TASOR: variants seen among roughly 807,000 people sequenced by gnomAD.
The protein encoded by TASOR is transcription activation suppressor.
A neutral mutation model predicts 178.6 loss-of-function variants in TASOR; 53 were observed. That is an observed-to-expected ratio of 0.30 (90% CI 0.24 to 0.37). The LOEUF is 0.37. Ranked by LOEUF, TASOR falls within the 10% of genes least tolerant of loss-of-function variation. The pLI is 1.00. For missense variants in TASOR, 1,815 were observed against 1,971.4 expected (o/e 0.92, Z 1.50); for synonymous variants, 713 against 696.2 (o/e 1.02, Z -0.38).
chr3:56,669,616 A>G, intron 5 of TASOR, 84 bp downstream of exon 5: 3 of 813,778 alleles, frequency 3.7e-6, no homozygotes, highest in South Asian at 1.9e-5. Flanking sequence ...CTTTTAAACA[A>G]TCTCCTAAAA....
rs765055660 is a variant in TASOR at position 56,646,654 on chromosome 3, C to T, written c.2083G>A (p.Val695Met). The T allele has an allele frequency of 6.2e-7, 1 of 1,613,732 alleles. No homozygotes were observed. The highest frequency in any genetic ancestry group is 8.5e-7 in the Non-Finnish European group (1 of 1,179,998). The change falls in exon 14 of 24, where the codon GTG becomes ATG. Residue 695 changes from valine to methionine, a missense_variant. Val to Met is a conservative substitution (Grantham distance 21, BLOSUM62 1). Coordinates refer to ENST00000683822, the MANE Select transcript of TASOR (RefSeq NM_001365635.2). ...INLIQCRKKS[V>M]GGDSDTEDMR... ...TCTTCTGTGTCTGAGTCCCCACCCA[C>T]ACTCTTTTTCCTACACTGAATTAAA... is the stretch of plus-strand genomic sequence containing the variant.
Position 56,647,121 on chromosome 3 carries a change from C to T in TASOR, c.1616G>A (p.Arg539Gln). ...QFLQFSLIQC[R>Q]KEFKNISAIN... is the part of the protein sequence containing the mutation. The stretch of plus-strand genomic sequence containing the variant: ...GGCGCTTATATTTTTGAATTCCTTT[C>T]GACACTGAATCAAAGAAAATTGTAA... The change falls in exon 14 of 24, where the codon CGA becomes CAA. Residue 539 changes from arginine to glutamine, a missense_variant. Around this residue, in one of 5 missense-constraint regions of TASOR, gnomAD observed 504 missense variants for 645.3 expected, o/e 0.78. Transcript: ENST00000683822. 4 of 1,607,316 alleles carry T rather than the reference C, an allele frequency of 2.5e-6. No individual in the cohort carries two copies. Among genetic ancestry groups the T allele is most frequent in the Non-Finnish European group, 3.4e-6 (4 of 1,178,506 alleles).
Position 56,622,470 on chromosome 3 carries a change from G to C in TASOR, c.*567C>G, listed in dbSNP as rs1199521695. Reference sequence around the variant, plus strand: ...ATCCAATACTCTCAAAAAGTTACCAGAATTTTAGCAATAGGCAGTTTTTAC... The same window carrying C: ...ATCCAATACTCTCAAAAAGTTACCACAATTTTAGCAATAGGCAGTTTTTAC... On this transcript the variant is annotated 3_prime_UTR_variant, in exon 24 of 24. Coordinates refer to ENST00000683822, the MANE Select transcript of TASOR (RefSeq NM_001365635.2). The C allele has an allele frequency of 1.3e-5, 2 of 152,520 alleles. No homozygotes were observed. The highest frequency in any genetic ancestry group is 4.8e-5 in the African/African-American group (2 of 41,416). 9.4% of individuals were successfully genotyped at this position (152,520 alleles called of 1,614,324 possible). A position where few individuals can be genotyped will look rare whatever the true frequency, so the allele number is the denominator to read the frequency against.
At chr3:56,650,375 C>T (rs2077326049) in intron 11 of TASOR, among the ~76,000 whole-genome samples, 1 of 152,166 alleles carries the variant, frequency 6.6e-6, no homozygotes, top group African/African-American at 2.4e-5. Flanking sequence ...TGACCACTTT[C>T]TCCAGGGTCA....
At chr3:56,640,938 T>C (rs952253444) in intron 15 of TASOR, among the ~76,000 whole-genome samples, 2 of 152,234 alleles carry the variant, frequency 1.3e-5, no homozygotes, top group Admixed American at 6.5e-5. Context: ...TACCTAACTG[T>C]CACACTGCTG....
chr3:56,668,304 TG>T, intron 6 of TASOR, 92 bp downstream of exon 6: 1 of 1,200,962 alleles, frequency 8.3e-7, no homozygotes, highest in African/African-American at 1.5e-5. Flanking sequence ...TAGACTAATG[TG>T]GGGACAGAGA....
Position 56,628,487 on chromosome 3 carries a change from T to G in TASOR, c.3870+5A>C, listed in dbSNP as rs1300636944. On this transcript the variant is annotated splice_donor_5th_base_variant and intron_variant, in intron 19 of 23. Transcript: ENST00000683822. ...CAAAGTAGTGAATTTGACTTAATAG[T>G]CTACCTTGTGAATGAAACCTGCAAT... 14 of 1,598,422 alleles carry G rather than the reference T, an allele frequency of 8.8e-6. No individual in the cohort carries two copies. The highest frequency in any genetic ancestry group is 1.2e-5 in the Non-Finnish European group (14 of 1,172,952).
chr3:56,673,198 T>C (rs184613917), intron 2 of TASOR, among the ~76,000 whole-genome samples: 4 of 152,352 alleles, frequency 2.6e-5, no homozygotes, highest in Admixed American at 2.0e-4. Context: ...TGCATATTAG[T>C]AACAATTTAA....
intron 14 of TASOR, among the ~76,000 whole-genome samples, chr3:56,642,568 G>A (rs1322449998): frequency 1.3e-5 from 2 of 152,166 alleles, no homozygotes; most frequent in East Asian, 3.9e-4. Flanking sequence ...CATACTGTAT[G>A]ACTCTAATTA....
intron 14 of TASOR, among the ~76,000 whole-genome samples, chr3:56,645,789 C>A (rs2077224089): frequency 6.6e-6 from 1 of 152,162 alleles, no homozygotes; most frequent in Non-Finnish European, 1.5e-5. Context: ...TCAGAAGGTT[C>A]CTTTTCATTA....
At chr3:56,672,015 A>G (rs1291819055) in intron 2 of TASOR, among the ~76,000 whole-genome samples, 1 of 152,328 alleles carries the variant, frequency 6.6e-6, no homozygotes, top group East Asian at 1.9e-4. Flanking sequence ...GGTACACTGC[A>G]TCCAACAGGT....
At chr3:56,673,765 C>T (rs2030985334) in intron 1 of TASOR, 40 bp from the exon 2 acceptor site, 1 of 1,481,812 alleles carries the variant, frequency 6.7e-7, no homozygotes, top group Non-Finnish European at 9.0e-7. Flanking sequence ...TTTAACATTA[C>T]TCCATCTTAA....
At chr3:56,630,061 G>A (rs1473769814) in intron 18 of TASOR, among the ~76,000 whole-genome samples, 1 of 151,936 alleles carries the variant, frequency 6.6e-6, no homozygotes, top group South Asian at 2.1e-4. Context: ...TGCCTCCTGG[G>A]TTCACACCAT....
intron 7 of TASOR, chr3:56,663,965 A>T: frequency 1.6e-6 from 1 of 607,108 alleles, no homozygotes; most frequent in Non-Finnish European, 2.1e-6. Context: ...GCACAGTTCT[A>T]GGTAATAGGA....
At position 56,621,440 on chromosome 3, in the gene TASOR, T is replaced by C. The variant is rs1483027920; in HGVS notation, c.*1597A>G. On this transcript the variant is annotated 3_prime_UTR_variant, in exon 24 of 24. Coordinates refer to ENST00000683822, the MANE Select transcript of TASOR (RefSeq NM_001365635.2). ...TGACAAAATTTTATCCTAAGCGATA[T>C]GTTTTCCAAGTGAATATAATTCTAG... The C allele has an allele frequency of 1.8e-5, 16 of 878,500 alleles. No homozygotes were observed. The highest frequency in any genetic ancestry group is 3.4e-6 in the Non-Finnish European group (2 of 588,650). 54.4% of individuals were successfully genotyped at this position (878,500 alleles called of 1,614,324 possible).
rs1027626696 is a variant in TASOR at position 56,640,096 on chromosome 3, T to C, written c.2654A>G (p.Asp885Gly). Residue 885 changes from aspartate to glycine, a missense_variant, in exon 16 of 24, where the codon GAT becomes GGT. Asp to Gly is a moderately conservative substitution (Grantham distance 94). This residue lies in a region of TASOR where 655 missense variants were observed against 671.1 expected (regional missense o/e 0.98). Coordinates refer to ENST00000683822, the MANE Select transcript of TASOR (RefSeq NM_001365635.2). ...PNLISVNNFE[D>G]CSLCPSVPIE... Reference sequence around the variant, plus strand: ...GGGAACACTGGGACACAAACTGCAATCTTCAAAATTATTCACGCTAATTAA... The same window carrying C: ...GGGAACACTGGGACACAAACTGCAACCTTCAAAATTATTCACGCTAATTAA... 12 of 1,613,316 alleles carry C rather than the reference T, an allele frequency of 7.4e-6. No individual in the cohort carries two copies. Among genetic ancestry groups the C allele is most frequent in the Non-Finnish European group, 1.0e-5 (12 of 1,179,722 alleles).
intron 14 of TASOR, among the ~76,000 whole-genome samples, chr3:56,645,157 C>A (rs1199884013): frequency 6.6e-6 from 1 of 152,204 alleles, no homozygotes; most frequent in Non-Finnish European, 1.5e-5. Context: ...GCCTGTAATT[C>A]CAGCTACTGG....
chr3:56,657,030 C>T (rs1305516591), intron 11 of TASOR, among the ~76,000 whole-genome samples: 1 of 150,778 alleles, frequency 6.6e-6, no homozygotes, highest in Non-Finnish European at 1.5e-5. Flanking sequence ...AAAGAATACA[C>T]TAAAGAAAGG....
intron 11 of TASOR, among the ~76,000 whole-genome samples, chr3:56,657,216 T>A (rs919969192): frequency 6.7e-6 from 1 of 150,016 alleles, no homozygotes; most frequent in African/African-American, 2.5e-5. Flanking sequence ...TAATCCCAGC[T>A]ACTCCGGAGA....
Sources: gnomAD v4.1 joint callset for allele counts (sites outside exome capture counted in the v4.1 genomes callset) on GRCh38, gnomAD v4.1.1 for gene constraint, gnomAD v4.1.1 regional missense constraint, MANE v1.5 for transcripts, NCBI Gene and HGNC (gene_info 2026-07-23, HGNC 2026-07-21) for gene names.